ACTN3: variants seen among roughly 807,000 people sequenced by gnomAD.
ACTN3 encodes the protein alpha-actinin-3.
ACTN3 carries 91 observed loss-of-function variants against 119.6 expected under a neutral mutation model. That is an observed-to-expected ratio of 0.76 (90% CI 0.64 to 0.91). ACTN3 has a LOEUF of 0.91. Ranked by LOEUF, ACTN3 falls within the 40% of genes least tolerant of loss-of-function variation. The pLI, the probability that ACTN3 is intolerant of heterozygous loss-of-function variation, is 0.00. For synonymous variants in ACTN3, 456 were observed against 478.8 expected (o/e 0.95, Z 0.62); for missense variants, 1,221 against 1,215.1 (o/e 1.00, Z -0.07).
At chr11:66,546,652 G>C (rs1322268582), upstream of ACTN3, 30 of 1,529,864 alleles carry the variant, frequency 2.0e-5, no homozygotes, top group Middle Eastern at 1.7e-4. Context: ...GACTCAGAGA[G>C]GTCCCGTGGA....
intron 1 of ACTN3, among the ~76,000 whole-genome samples, chr11:66,548,410 T>C (rs950743226): frequency 6.7e-6 from 1 of 149,374 alleles, no homozygotes; most frequent in Non-Finnish European, 1.5e-5. Flanking sequence ...GTGCCCCCCA[T>C]ATGACACGTG....
At chr11:66,551,851 G>A (rs1565303902) in intron 3 of ACTN3, 2 of 275,404 alleles carry the variant, frequency 7.3e-6, no homozygotes, top group Non-Finnish European at 5.5e-6. Flanking sequence ...CAAGGCCAGT[G>A]GACTGCTTGA....
intron 1 of ACTN3, 39 bp downstream of exon 1, chr11:66,547,123 C>CT: frequency 6.8e-7 from 1 of 1,466,854 alleles, no homozygotes; most frequent in Non-Finnish European, 9.0e-7. Flanking sequence ...AAACCGAGGC[C>CT]TGAGAGGCCG....
At chr11:66,562,398 C>G in intron 19 of ACTN3, 76 bp downstream of exon 19, 1 of 1,462,490 alleles carries the variant, frequency 6.8e-7, no homozygotes, top group East Asian at 2.3e-5. Flanking sequence ...TGTGCACCTC[C>G]CATCTTCACA....
chr11:66,557,555 G>A lies in ACTN3; in HGVS notation c.898-144G>A, dbSNP rs969375675. On this transcript the variant is annotated intron_variant, in intron 9 of 20. Coordinates refer to ENST00000513398, the MANE Select transcript of ACTN3 (RefSeq NM_001104.4). ...CATCCCACTTCTTCTCTGACTTGTG[G>A]GGACTACCCCATCCTGCTTTCGTAG... The A allele has an allele frequency of 1.3e-4, 105 of 834,270 alleles. No homozygotes were observed. In the African/African-American group the frequency reaches 1.7e-3, roughly 13 times the overall value. The allele number at this position is 834,270 out of a possible 1,614,324, so 51.7% of individuals were successfully genotyped here. A position where few individuals can be genotyped will look rare whatever the true frequency, so the allele number is the denominator to read the frequency against.
rs778465625 is a variant in ACTN3, at chr11:66,563,232, G to A, written c.*39G>A. ...GGTTCTCTATGCAAGATGGAGAGAG[G>A]ATGCACCCTGTGGCTGATCCCATCC... On this transcript the variant is annotated 3_prime_UTR_variant, in exon 21 of 21. Coordinates refer to ENST00000513398, the MANE Select transcript of ACTN3 (RefSeq NM_001104.4). 2 of 1,560,944 alleles carry A rather than the reference G, an allele frequency of 1.3e-6. No individual in the cohort carries two copies. The highest frequency in any genetic ancestry group is 1.7e-6 in the Non-Finnish European group (2 of 1,150,362).
Position 66,559,227 on chromosome 11 carries a change from TTTGAGCAGG to T in ACTN3, c.1277-8_1277del. Reference sequence around the variant, plus strand: ...ACTGGGTGACCGGAGCCGGCATCTCTTTGAGCAGGAAAGGAGGAGATGCTGAGCCAGCGC... The same window carrying T: ...ACTGGGTGACCGGAGCCGGCATCTCTAAAGGAGGAGATGCTGAGCCAGCGC... On this transcript the variant is annotated splice_acceptor_variant and splice_polypyrimidine_tract_variant and coding_sequence_variant and intron_variant, in exon 12 of 21. Coordinates refer to ENST00000513398, the MANE Select transcript of ACTN3 (RefSeq NM_001104.4). LOFTEE classifies it high-confidence loss of function. 6.7e-7 allele frequency: 1 copy of T among 1,500,752 alleles called. No individual in the cohort carries two copies. The highest frequency in any genetic ancestry group is 8.9e-7 in the Non-Finnish European group (1 of 1,122,366). 93.0% of individuals were successfully genotyped at this position (1,500,752 alleles called of 1,614,324 possible).
At position 66,554,209 on chromosome 11, in the gene ACTN3, G is replaced by A. The variant is rs937286601; in HGVS notation, c.469+78G>A. ...TCCCCACAGTTTGGGAGGTCGAGGCGGGCAGACCACTTGAAGGATCGCCCA... is the reference window on the plus strand; with the variant it reads ...TCCCCACAGTTTGGGAGGTCGAGGCAGGCAGACCACTTGAAGGATCGCCCA... On this transcript the variant is annotated intron_variant, in intron 4 of 20. Transcript: ENST00000513398. The A allele has an allele frequency of 1.6e-4, 199 of 1,273,466 alleles. No individual in the cohort carries two copies. The Admixed American group carries it at 3.3e-3, about 21-fold the overall frequency. 78.9% of individuals were successfully genotyped at this position (1,273,466 alleles called of 1,614,324 possible).
At chr11:66,556,302 G>T in intron 8 of ACTN3, 72 bp downstream of exon 8, 1 of 1,469,016 alleles carries the variant, frequency 6.8e-7, no homozygotes. Context: ...GTCCAACATT[G>T]GAGGCGCCAG....
intron 7 of ACTN3, among the ~76,000 whole-genome samples, chr11:66,555,586 G>A (rs1857575630): frequency 6.6e-6 from 1 of 152,114 alleles, no homozygotes; most frequent in African/African-American, 2.4e-5. Context: ...CTATGTAATG[G>A]CCCTACCTTC....
At chr11:66,547,430 A>C (rs532458525) in intron 1 of ACTN3, among the ~76,000 whole-genome samples, 115 of 152,194 alleles carry the variant, frequency 7.6e-4, no homozygotes, top group Non-Finnish European at 1.2e-3. Flanking sequence ...CTTCTAGTTA[A>C]ATATTCCCAG....
intron 8 of ACTN3, among the ~76,000 whole-genome samples, chr11:66,556,760 G>GTGCTT (rs1555056179): frequency 0.15 from 21,956 of 151,356 alleles, 1,708 homozygotes; most frequent in East Asian, 0.18. Context: ...TTGTTTGTTT[G>GTGCTT]TGTTTTGTTT....
chr11:66,551,254 T>C lies in ACTN3; in HGVS notation c.163T>C (p.Cys55Arg), dbSNP rs770599029. ...KQQRKTFTAW[C>R]NSHLRKAGTQ... ...CTGCCCCTAGACCTTCACTGCCTGG[T>C]GCAACTCACACCTGCGCAAGGCAGG... Residue 55 changes from cysteine (C) to arginine (R), a missense_variant, in exon 2 of 21, where the codon TGC (cysteine) becomes CGC (arginine). Transcript: ENST00000513398. 45 of 1,610,508 alleles carry C rather than the reference T, an allele frequency of 2.8e-5. No individual in the cohort carries two copies. In the South Asian group the frequency reaches 4.4e-4, roughly 16 times the overall value.
In ACTN3 at chr11:66,558,126, G is replaced by A; in HGVS notation, c.1228G>A (p.Ala410Thr). ...IRRLQRLQHL[A>T]EKFRQKASLH... ...GCGCCTGCAGCGACTCCAGCACCTG[G>A]CTGAGAAGTTCCGGCAGAAGGCCTC... The change falls in exon 11 of 21, where the codon GCT becomes ACT. Residue 410 changes from alanine (A) to threonine (T), a missense_variant. Around this residue, in one of 3 missense-constraint regions of ACTN3, gnomAD observed 934 missense variants for 899.9 expected, o/e 1.04. Coordinates refer to ENST00000513398, the MANE Select transcript of ACTN3 (RefSeq NM_001104.4). 1.9e-6 allele frequency: 3 copies of A among 1,613,878 alleles called. No individual in the cohort carries two copies. In the South Asian group the frequency reaches 3.3e-5, roughly 18 times the overall value.
chr11:66,562,348 G>C, intron 19 of ACTN3, 26 bp downstream of exon 19: 2 of 1,611,118 alleles, frequency 1.2e-6, no homozygotes, highest in Non-Finnish European at 1.7e-6. Context: ...CTCCTTCCCA[G>C]GAGTCCCAAA....
At position 66,558,083 on chromosome 11, in the gene ACTN3, GCTGCTCTCGGAGATCCGGCGC is replaced by G; in HGVS notation, c.1190_1210del (p.Leu397_Leu403del). 6.2e-7 allele frequency: 1 copy of G among 1,613,820 alleles called. No homozygotes were observed. Among genetic ancestry groups the G allele is most frequent in the Non-Finnish European group, 8.5e-7 (1 of 1,179,874 alleles). Reference sequence around the variant, plus strand: ...AGGTGGAAAAGGGCTATGAGGACTGGCTGCTCTCGGAGATCCGGCGCCTGCAGCGACTCCAGCACCTGGCTG... The same window carrying G: ...AGGTGGAAAAGGGCTATGAGGACTGGCTGCAGCGACTCCAGCACCTGGCTG... On this transcript the variant is annotated inframe_deletion, in exon 11 of 21. Transcript: ENST00000513398.
At chr11:66,550,464 A>G (rs2134917712) in intron 1 of ACTN3, among the ~76,000 whole-genome samples, 1 of 152,256 alleles carries the variant, frequency 6.6e-6, no homozygotes, top group South Asian at 2.1e-4. Context: ...ACCCCTAGAA[A>G]TGAGATCAGA....
At chr11:66,559,493 G>C (rs1857691495) in intron 12 of ACTN3, 107 bp downstream of exon 12, 3 of 1,202,950 alleles carry the variant, frequency 2.5e-6, no homozygotes, top group Non-Finnish European at 3.3e-6. Context: ...GGCTCTCCTG[G>C]GTTCTGTAAC....
In ACTN3 at chr11:66,562,015, C is replaced by T; in HGVS notation, c.2176-7C>T. 6.2e-7 allele frequency: 1 copy of T among 1,601,038 alleles called. No homozygotes were observed. The highest frequency in any genetic ancestry group is 2.3e-5 in the East Asian group (1 of 44,038). On this transcript the variant is annotated splice_polypyrimidine_tract_variant and splice_region_variant and intron_variant, in intron 17 of 20. Coordinates refer to ENST00000513398, the MANE Select transcript of ACTN3 (RefSeq NM_001104.4). ...CCACTGACAGTGGCCTGTCCCCTGACCGCCAGCACATCCGCGTGGGCTGGG... is the reference window on the plus strand; with the variant it reads ...CCACTGACAGTGGCCTGTCCCCTGATCGCCAGCACATCCGCGTGGGCTGGG...
Sources: allele counts gnomAD v4.1 joint callset (sites outside exome capture counted in the v4.1 genomes callset), GRCh38; gene constraint gnomAD v4.1.1; regional missense constraint gnomAD v4.1.1; transcripts MANE v1.5; gene names NCBI Gene and HGNC (gene_info 2026-07-23, HGNC 2026-07-21).